The following ANO4 variants were observed in gnomAD, a reference collection of about 807,000 sequenced individuals.
ANO4 encodes the protein anoctamin-4.
Under a neutral mutation model 141.9 loss-of-function variants are expected in ANO4, and 69 were observed. The ratio of observed to expected loss-of-function variants is 0.49; its 90% CI spans 0.40 to 0.59. The LOEUF (loss-of-function observed/expected upper bound fraction) is 0.59. Among genes scored for constraint, ANO4 ranks in the 20% least tolerant of loss-of-function variants. ANO4 has a pLI of 0.00. For synonymous variants in ANO4, 350 were observed against 394.3 expected (o/e 0.89, Z 1.33); for missense variants, 894 against 1,162.2 (o/e 0.77, Z 3.36).
intron 5 of ANO4, among the ~76,000 whole-genome samples, chr12:100,944,994 T>TA (rs1301857237): frequency 1.3e-5 from 2 of 152,192 alleles, no homozygotes; most frequent in Non-Finnish European, 2.9e-5. Flanking sequence ...TTCCAGGAGT[T>TA]AATTCAACCT....
intron 7 of ANO4, among the ~76,000 whole-genome samples, chr12:100,976,035 A>G (rs2044177453): frequency 6.6e-6 from 1 of 150,384 alleles, no homozygotes; most frequent in Non-Finnish European, 1.5e-5. Flanking sequence ...GGAGCTAGGG[A>G]GAAGGGGAAT....
At chr12:100,753,724 G>T (rs2032486257) in intron 3 of ANO4, among the ~76,000 whole-genome samples, 2 of 152,244 alleles carry the variant, frequency 1.3e-5, no homozygotes, top group Admixed American at 1.3e-4. Flanking sequence ...AGTAGTTTTA[G>T]TTGATTCATG....
intron 8 of ANO4, among the ~76,000 whole-genome samples, chr12:101,007,037 G>A (rs1383386134): frequency 6.6e-6 from 1 of 152,128 alleles, no homozygotes; most frequent in East Asian, 1.9e-4. Flanking sequence ...TGAACCATGA[G>A]AGTCAGTAAT....
intron 1 of ANO4, among the ~76,000 whole-genome samples, chr12:100,888,796 G>A (rs1359501663): frequency 6.6e-6 from 1 of 151,702 alleles, no homozygotes; most frequent in East Asian, 1.9e-4. Context: ...CAGACTGGGG[G>A]AAATGAACAC....
At chr12:100,777,064 G>A (rs1170768144) in intron 3 of ANO4, among the ~76,000 whole-genome samples, 2 of 151,280 alleles carry the variant, frequency 1.3e-5, no homozygotes, top group Admixed American at 1.3e-4. Context: ...TTTAGTGACA[G>A]AGCCAGGACT....
chr12:100,900,367 A>G (rs1032412638), intron 1 of ANO4, among the ~76,000 whole-genome samples: 2 of 151,720 alleles, frequency 1.3e-5, no homozygotes, highest in African/African-American at 4.8e-5. Flanking sequence ...GGTTTGTTAC[A>G]TATGTATACA....
At chr12:100,933,183 A>G (rs990087223) in intron 3 of ANO4, among the ~76,000 whole-genome samples, 3 of 151,606 alleles carry the variant, frequency 2.0e-5, no homozygotes, top group Non-Finnish European at 4.4e-5. Flanking sequence ...GGTTTGATAC[A>G]TAGGTATACA....
chr12:101,028,762 A>G (rs1008286884), intron 9 of ANO4, among the ~76,000 whole-genome samples: 4 of 152,250 alleles, frequency 2.6e-5, no homozygotes, highest in African/African-American at 9.6e-5. Flanking sequence ...AAACTTCAGG[A>G]TATTATCCAG....
At chr12:100,937,233 C>A (rs998316848) in intron 3 of ANO4, among the ~76,000 whole-genome samples, 4 of 152,104 alleles carry the variant, frequency 2.6e-5, no homozygotes, top group Admixed American at 2.0e-4. Flanking sequence ...TGTGCCAGAG[C>A]CTCTGTACAT....
At chr12:101,043,498 C>A (rs772701707) in intron 12 of ANO4, 41 bp from the exon 13 acceptor site, 1 of 1,478,168 alleles carries the variant, frequency 6.8e-7, no homozygotes, top group South Asian at 1.1e-5. Context: ...AAAAAATGTT[C>A]CATGTCATCA....
intron 8 of ANO4, among the ~76,000 whole-genome samples, chr12:101,002,296 A>G (rs536370874): frequency 1.2e-4 from 18 of 152,328 alleles, no homozygotes; most frequent in Admixed American, 6.5e-4. Context: ...TGGATTGGCA[A>G]GCAGAGTATG....
rs1381146340 is a variant in ANO4, at chr12:100,942,455, A to G, written c.376A>G (p.Arg126Gly). 1.2e-6 allele frequency: 2 copies of G among 1,614,148 alleles called. No individual in the cohort carries two copies. The highest frequency in any genetic ancestry group is 1.3e-5 in the African/African-American group (1 of 75,058). ...KCRIDYILVY[R>G]KSNPQTEKRE... ...TCGAATTGACTACATCCTTGTGTAC[A>G]GAAAATCCAACCCCCAGACTGAAAA... Residue 126 changes from arginine (R) to glycine (G), a missense_variant, in exon 5 of 28, where the codon AGA becomes GGA. By Grantham distance (125) the Arg-to-Gly change is moderately radical. Transcript: ENST00000392977.
chr12:101,127,168 C>G, intron 27 of ANO4, 94 bp downstream of exon 27: 1 of 1,244,402 alleles, frequency 8.0e-7, no homozygotes, highest in South Asian at 1.5e-5. Flanking sequence ...GTTGCAGTAA[C>G]AGGGATCAAA....
intron 1 of ANO4, among the ~76,000 whole-genome samples, chr12:100,802,228 A>G (rs531448898): frequency 2.0e-5 from 3 of 152,312 alleles, no homozygotes; most frequent in African/African-American, 7.2e-5. Context: ...TTTGACAATT[A>G]ACTTTGTGCT....
chr12:100,844,176 G>C (rs1035473757), intron 1 of ANO4, among the ~76,000 whole-genome samples: 1 of 152,072 alleles, frequency 6.6e-6, no homozygotes, highest in African/African-American at 2.4e-5. Context: ...ATTTCAGATA[G>C]TGTTAAGGCC....
intron 1 of ANO4, among the ~76,000 whole-genome samples, chr12:100,798,992 A>G (rs2034518719): frequency 6.6e-6 from 1 of 152,004 alleles, no homozygotes; most frequent in African/African-American, 2.4e-5. Context: ...CCCACAGGGG[A>G]CCTCCTCTGA....
At chr12:100,743,550 A>G (rs974142380) in intron 3 of ANO4, among the ~76,000 whole-genome samples, 1 of 152,130 alleles carries the variant, frequency 6.6e-6, no homozygotes, top group Non-Finnish European at 1.5e-5. Context: ...TTGCTACTAG[A>G]TACTGGACTT....
chr12:100,854,320 C>T (rs1403683346), intron 1 of ANO4, among the ~76,000 whole-genome samples: 1 of 152,044 alleles, frequency 6.6e-6, no homozygotes, highest in Non-Finnish European at 1.5e-5. Context: ...TTTGCTTTAG[C>T]TGTTTCCTCT....
At chr12:100,748,215 A>G (rs976484090) in intron 3 of ANO4, among the ~76,000 whole-genome samples, 2 of 152,190 alleles carry the variant, frequency 1.3e-5, no homozygotes, top group African/African-American at 2.4e-5. Context: ...CATGAATTCA[A>G]TGTCTTATAA....
Sources: gnomAD v4.1 joint callset for allele counts (sites outside exome capture counted in the v4.1 genomes callset) on GRCh38, gnomAD v4.1.1 for gene constraint, MANE v1.5 for transcripts, NCBI Gene and HGNC (gene_info 2026-07-23, HGNC 2026-07-21) for gene names.